The following MAD1L1 variants were observed in gnomAD, a reference collection of about 807,000 sequenced individuals.
MAD1L1 encodes mitotic spindle assembly checkpoint protein MAD1.
MAD1L1 carries 95 observed loss-of-function variants against 96.9 expected under a neutral mutation model. That is an observed-to-expected ratio of 0.98 (90% CI 0.83 to 1.16). The LOEUF (loss-of-function observed/expected upper bound fraction) is 1.16. Among genes scored for constraint, MAD1L1 ranks in the 50% most tolerant of loss-of-function variants. MAD1L1 has a pLI of 0.00. For missense variants in MAD1L1, 1,007 were observed against 954.4 expected, an observed-to-expected ratio of 1.06 and a Z score of -0.73; for synonymous variants, 473 against 396.6, an observed-to-expected ratio of 1.19 and a Z score of -2.29.
At chr7:2,172,345 A>G (rs572317571) in intron 10 of MAD1L1, among the ~76,000 whole-genome samples, 2 of 152,108 alleles carry the variant, frequency 1.3e-5, no homozygotes, top group Non-Finnish European at 2.9e-5. Context: ...GCAGAATCCC[A>G]TGTGAACCCC....
chr7:1,855,594 C>T lies in MAD1L1; in HGVS notation c.1999-39366G>A, dbSNP rs760769470. Among the ~76,000 whole-genome samples the T allele has an allele frequency of 1.6e-4, 25 of 152,112 alleles. 1 individual carries two copies. The highest frequency in any genetic ancestry group is 2.8e-4 in the Non-Finnish European group (19 of 68,004). On this transcript the variant is annotated intron_variant, in intron 18 of 18. Coordinates refer to ENST00000265854, the MANE Select transcript of MAD1L1 (RefSeq NM_001013836.2). The stretch of plus-strand genomic sequence containing the variant: ...CCCGAGGCGGGTCTCCCCTCACCAC[C>T]ACACACACCCACGGCCTCCTCAGAG...
intron 17 of MAD1L1, among the ~76,000 whole-genome samples, chr7:1,932,242 C>G (rs1465015343): frequency 6.6e-6 from 1 of 152,166 alleles, no homozygotes; most frequent in Admixed American, 6.5e-5. Flanking sequence ...CTTCTCTGCT[C>G]TATATCCCAG....
In MAD1L1 at chr7:2,069,184, C is replaced by T; in HGVS notation, c.1218+10G>A. On this transcript the variant is annotated intron_variant, in intron 12 of 18. Coordinates refer to ENST00000265854, the MANE Select transcript of MAD1L1 (RefSeq NM_001013836.2). Reference sequence around the variant, plus strand: ...TGCGACTCTGATCAAGATGTAAGGGCATACATCACCTTGGTGAGCAGCAGG... The same window carrying T: ...TGCGACTCTGATCAAGATGTAAGGGTATACATCACCTTGGTGAGCAGCAGG... 6.3e-7 allele frequency: 1 copy of T among 1,579,652 alleles called. No homozygotes were observed. The highest frequency in any genetic ancestry group is 8.6e-7 in the Non-Finnish European group (1 of 1,163,720).
chr7:2,212,021 T>C (rs1405614124), intron 10 of MAD1L1, among the ~76,000 whole-genome samples: 1 of 152,192 alleles, frequency 6.6e-6, no homozygotes, highest in Non-Finnish European at 1.5e-5. Flanking sequence ...GCATCGCTCC[T>C]GCACCTCCTC....
chr7:1,934,386 C>T (rs115933518), intron 17 of MAD1L1, among the ~76,000 whole-genome samples: 6,042 of 152,074 alleles, frequency 0.04, 348 homozygotes, highest in African/African-American at 0.14. Flanking sequence ...CGGGCGAACC[C>T]GAGACAGGCA....
chr7:2,210,313 C>T (rs1351956147), intron 10 of MAD1L1, among the ~76,000 whole-genome samples: 5 of 152,140 alleles, frequency 3.3e-5, no homozygotes. Context: ...TCGAGCAATC[C>T]CCCTGCGGCA....
intron 17 of MAD1L1, 72 bp downstream of exon 17, chr7:1,936,615 C>T: frequency 6.9e-7 from 1 of 1,451,246 alleles, no homozygotes; most frequent in Non-Finnish European, 9.3e-7. Flanking sequence ...CTGAGGCTGC[C>T]CCAAAGGCGC....
rs530692600 is a variant in MAD1L1 at position 1,865,350 on chromosome 7, C to T, written c.1998+32850G>A. The stretch of plus-strand genomic sequence containing the variant: ...TTGAGTCAAAGCTGACCTTGCCGGG[C>T]ACAGATGGGGCCCCCAGGCCTGGTG... On this transcript the variant is annotated intron_variant, in intron 18 of 18. Coordinates refer to ENST00000265854, the MANE Select transcript of MAD1L1 (RefSeq NM_001013836.2). Among the ~76,000 whole-genome samples the T allele has an allele frequency of 3.9e-5, 6 of 152,300 alleles. No individual in the cohort carries two copies. In the East Asian group the frequency reaches 1.2e-3, roughly 30 times the overall value.
intron 11 of MAD1L1, among the ~76,000 whole-genome samples, chr7:2,082,695 C>T (rs868389906): frequency 2.0e-5 from 3 of 152,192 alleles, no homozygotes; most frequent in Admixed American, 1.3e-4. Context: ...AGAGGCAAAG[C>T]GATCTCTGTG....
At chr7:2,190,352 C>G (rs1242583526) in intron 10 of MAD1L1, among the ~76,000 whole-genome samples, 5 of 152,188 alleles carry the variant, frequency 3.3e-5, no homozygotes, top group Non-Finnish European at 7.3e-5. Context: ...TGTGACCACA[C>G]TACACACAAA....
At chr7:1,900,136 A>AAGCT (rs1787154444) in intron 17 of MAD1L1, among the ~76,000 whole-genome samples, 1 of 152,154 alleles carries the variant, frequency 6.6e-6, no homozygotes, top group Non-Finnish European at 1.5e-5. Context: ...TTCCGAGTGC[A>AAGCT]AGCTCACTCA....
chr7:1,817,686 C>T (rs1217644387), intron 18 of MAD1L1, among the ~76,000 whole-genome samples: 3 of 152,248 alleles, frequency 2.0e-5, no homozygotes, highest in African/African-American at 7.2e-5. Context: ...ACTAATGGAG[C>T]GCTAGACGTG....
rs183213258 is a variant in MAD1L1, at chr7:2,093,039, C to A, written c.1074-23701G>T. 8.2e-3 allele frequency among the ~76,000 whole-genome samples: 1,237 copies of A among 151,452 alleles called. 12 individuals carry two copies. The highest frequency in any genetic ancestry group is 0.014 in the Non-Finnish European group (920 of 67,848). On this transcript the variant is annotated intron_variant, in intron 11 of 18. Coordinates refer to ENST00000265854, the MANE Select transcript of MAD1L1 (RefSeq NM_001013836.2). ...GATCACGAGGTCAGGAGTTCAAGACCAGCCTGGCCAATATGGTGAAACCCC... is the reference window on the plus strand; with the variant it reads ...GATCACGAGGTCAGGAGTTCAAGACAAGCCTGGCCAATATGGTGAAACCCC...
chr7:2,047,195 GGCAA>G (rs1423039236), intron 12 of MAD1L1, among the ~76,000 whole-genome samples: 1 of 152,164 alleles, frequency 6.6e-6, no homozygotes, highest in African/African-American at 2.4e-5. Flanking sequence ...GCTGACCTAA[GGCAA>G]AGCAGGCAAT....
chr7:1,877,731 G>C (rs1469560335), intron 18 of MAD1L1, among the ~76,000 whole-genome samples: 1 of 152,114 alleles, frequency 6.6e-6, no homozygotes, highest in Admixed American at 6.5e-5. Context: ...GAAAGCAGGA[G>C]TGGCTATATT....
chr7:1,880,228 T>C (rs554669378), intron 18 of MAD1L1, among the ~76,000 whole-genome samples: 1 of 152,288 alleles, frequency 6.6e-6, no homozygotes, highest in East Asian at 1.9e-4. Flanking sequence ...GACATCCATG[T>C]TTCCTGGGAG....
At chr7:1,976,546 G>A (rs1451287735) in intron 15 of MAD1L1, among the ~76,000 whole-genome samples, 2 of 152,232 alleles carry the variant, frequency 1.3e-5, no homozygotes, top group Non-Finnish European at 2.9e-5. Flanking sequence ...CCCAAAGAGT[G>A]AGCAGCAGCA....
At chr7:2,168,239 C>T (rs1199123387) in intron 10 of MAD1L1, among the ~76,000 whole-genome samples, 3 of 151,780 alleles carry the variant, frequency 2.0e-5, no homozygotes, top group Non-Finnish European at 2.9e-5. Context: ...GAGCCGAGAT[C>T]GTGCCACTGC....
intron 13 of MAD1L1, among the ~76,000 whole-genome samples, chr7:2,005,967 C>T (rs1291505869): frequency 6.6e-6 from 1 of 152,052 alleles, no homozygotes; most frequent in East Asian, 1.9e-4. Context: ...GCTCAGCACG[C>T]AGAGGGGCCG....
Sources: gnomAD v4.1 joint callset for allele counts (sites outside exome capture counted in the v4.1 genomes callset) on GRCh38, gnomAD v4.1.1 for gene constraint, MANE v1.5 for transcripts, NCBI Gene and HGNC (gene_info 2026-07-23, HGNC 2026-07-21) for gene names.